PELP1: variants seen among roughly 807,000 people sequenced by gnomAD.
PELP1 encodes the protein proline, glutamate and leucine rich protein 1.
In PELP1, 32 loss-of-function variants were observed where a neutral mutation model predicts 95.5. That is an observed-to-expected ratio of 0.34 (90% CI 0.25 to 0.45). PELP1 has a LOEUF of 0.45. PELP1 is among the 20% of genes least tolerant of loss of function. The pLI is 1.00. For missense variants in PELP1, 1,358 were observed against 1,444.8 expected, an observed-to-expected ratio of 0.94 and a Z score of 0.97; for synonymous variants, 668 against 600.1, an observed-to-expected ratio of 1.11 and a Z score of -1.65.
Position 4,675,360 on chromosome 17 carries a change from G to A in PELP1, c.1071C>T (p.Ser357=). The A allele has an allele frequency of 6.6e-7, 1 of 1,516,688 alleles. No homozygotes were observed. Among genetic ancestry groups the A allele is most frequent in the Non-Finnish European group, 9.0e-7 (1 of 1,115,636 alleles). 94.0% of individuals were successfully genotyped at this position (1,516,688 alleles called of 1,614,324 possible). A position where few individuals can be genotyped will look rare whatever the true frequency, so the allele number is the denominator to read the frequency against. The change falls in exon 10 of 17, where the codon AGC becomes AGT. Residue 357 remains serine (S), a splice_region_variant and synonymous_variant. Transcript: ENST00000572293. This position sits in a 1 kb window ranked among gnomAD's most constrained non-coding sequence, Gnocchi z 4.3. ...GCCGCAGGGGACCATCTCCATGCAA[G>A]CTCTGGAGAAAAAAGGGGCAGAGAT... is the stretch of plus-strand genomic sequence containing the variant. ...RTLSVSSKNI[S]LHGDGPLRLL... is the part of the protein sequence containing the mutation.
At position 4,672,763 on chromosome 17, in the gene PELP1, C is replaced by A; in HGVS notation, c.2228G>T (p.Ser743Ile). 1 of 1,613,638 alleles carries A rather than the reference C, an allele frequency of 6.2e-7. No homozygotes were observed. The highest frequency in any genetic ancestry group is 1.7e-4 in the Middle Eastern group (1 of 6,058). ...GSNEDPILAP[S>I]GTPPPTIPPD... ...GGGTATAGTAGGTGGGGGAGTCCCACTAGGGGCAAGGATGGGGTCCTCATT... is the reference window on the plus strand; with the variant it reads ...GGGTATAGTAGGTGGGGGAGTCCCAATAGGGGCAAGGATGGGGTCCTCATT... Residue 743 changes from serine (S) to isoleucine (I), a missense_variant, in exon 16 of 17, where the codon AGT becomes ATT. This residue lies in a region of PELP1 where 340 missense variants were observed against 322.9 expected (regional missense o/e 1.05). Transcript: ENST00000572293.
chr17:4,678,232 G>C (rs945983710), intron 5 of PELP1, among the ~76,000 whole-genome samples: 4 of 151,916 alleles, frequency 2.6e-5, no homozygotes, highest in African/African-American at 9.7e-5. Flanking sequence ...AAAAGAATTA[G>C]TAAGGATAAC....
chr17:4,682,683 C>T, intron 4 of PELP1, 110 bp from the exon 5 acceptor site: 2 of 1,439,060 alleles, frequency 1.4e-6, no homozygotes, highest in South Asian at 1.2e-5. Context: ...TTTTTCTTGG[C>T]CCCTCCCTCT....
chr17:4,700,312 G>A (rs547496601), intron 1 of PELP1, among the ~76,000 whole-genome samples: 1 of 152,174 alleles, frequency 6.6e-6, no homozygotes, highest in East Asian at 1.9e-4. Flanking sequence ...GGCTGAGGCA[G>A]GAAGATTTTT....
chr17:4,699,850 G>A (rs1210421179), intron 1 of PELP1, among the ~76,000 whole-genome samples: 1 of 150,250 alleles, frequency 6.7e-6, no homozygotes, highest in South Asian at 2.1e-4. Flanking sequence ...GCCTCCCAAA[G>A]TGCTGGGATT....
intron 5 of PELP1, among the ~76,000 whole-genome samples, chr17:4,677,280 A>C (rs893325343): frequency 6.6e-6 from 1 of 152,200 alleles, no homozygotes; most frequent in African/African-American, 2.4e-5. Flanking sequence ...GTCTCGGAGT[A>C]GCAATCTGTC....
intron 5 of PELP1, among the ~76,000 whole-genome samples, chr17:4,679,520 C>A (rs1912617847): frequency 6.6e-6 from 1 of 152,192 alleles, no homozygotes; most frequent in African/African-American, 2.4e-5. Flanking sequence ...ATTTCCCCTC[C>A]ACTTTCATGG....
chr17:4,685,828 A>G (rs6502809), intron 3 of PELP1, among the ~76,000 whole-genome samples: 146,753 of 150,102 alleles, frequency 0.98, 71,822 homozygotes, highest in Middle Eastern at 1. Context: ...TGGGCTTGGT[A>G]GCTCACACCT....
chr17:4,703,764 T>G (rs1182778201), intron 1 of PELP1, 99 bp downstream of exon 1: 3 of 1,049,720 alleles, frequency 2.9e-6, no homozygotes, highest in Non-Finnish European at 4.1e-6. Flanking sequence ...TCTCCTTCCT[T>G]CAACCTCCCT....
At chr17:4,685,277 CTCGTCCCTCAA>C in intron 3 of PELP1, among the ~76,000 whole-genome samples, 1 of 152,250 alleles carries the variant, frequency 6.6e-6, no homozygotes, top group Non-Finnish European at 1.5e-5. Context: ...TAACTCCTCC[CTCGTCCCTCAA>C]GTAGTCTTCG....
At chr17:4,678,602 C>T (rs1347158390) in intron 5 of PELP1, among the ~76,000 whole-genome samples, 1 of 152,202 alleles carries the variant, frequency 6.6e-6, no homozygotes, top group Non-Finnish European at 1.5e-5. Context: ...CAAACCAAAG[C>T]AATGACTCGC....
chr17:4,671,560 A>G, intron 16 of PELP1, 29 bp from the exon 17 acceptor site: 1 of 1,612,904 alleles, frequency 6.2e-7, no homozygotes, highest in Non-Finnish European at 8.5e-7. Flanking sequence ...CAAGATTCAG[A>G]ATAGTCACAC....
intron 3 of PELP1, 155 bp from the exon 4 acceptor site, chr17:4,683,107 G>C: frequency 7.7e-7 from 1 of 1,295,680 alleles, no homozygotes; most frequent in African/African-American, 1.5e-5. Flanking sequence ...GTGGAGACAC[G>C]GATACTGTGT....
intron 3 of PELP1, among the ~76,000 whole-genome samples, chr17:4,689,691 T>C (rs957749574): frequency 2.6e-5 from 4 of 152,204 alleles, no homozygotes; most frequent in Admixed American, 6.5e-5. Context: ...TGCAAAAATG[T>C]GGAACCAGCC....
chr17:4,678,724 C>G (rs8065591), intron 5 of PELP1, among the ~76,000 whole-genome samples: 145,791 of 152,274 alleles, frequency 0.96, 70,117 homozygotes, highest in East Asian at 1. Flanking sequence ...GTGGCAAGGA[C>G]GAGGAAGTGA....
Position 4,672,313 on chromosome 17 carries a change from T to A in PELP1, c.2678A>T (p.Glu893Val). 6.4e-7 allele frequency: 1 copy of A among 1,553,522 alleles called. No individual in the cohort carries two copies. Among genetic ancestry groups the A allele is most frequent in the Non-Finnish European group, 8.7e-7 (1 of 1,147,986 alleles). ...INSSDEEEEE[E>V]EEEEEEEEEE... ...CTCTTCTTCTTCTTCCTCTTCTTCC[T>A]CTTCCTCCTCCTCTTCATCACTGCT... The change falls in exon 16 of 17, where the codon GAG becomes GTG. Residue 893 changes from glutamate to valine, a missense_variant. Physicochemically the swap from Glu to Val is moderately radical, Grantham distance 121. This residue lies in a region of PELP1 where 283 missense variants were observed against 284.1 expected (regional missense o/e 1.00). Coordinates refer to ENST00000572293, the MANE Select transcript of PELP1 (RefSeq NM_014389.3).
Position 4,673,048 on chromosome 17 carries a change from G to A in PELP1, c.1943C>T (p.Pro648Leu). 1 of 1,531,438 alleles carries A rather than the reference G, an allele frequency of 6.5e-7. No homozygotes were observed. The highest frequency in any genetic ancestry group is 8.8e-7 in the Non-Finnish European group (1 of 1,142,268). 94.9% of individuals were successfully genotyped at this position (1,531,438 alleles called of 1,614,324 possible). ...LQPMGPTCPT[P>L]APVPPPEAPS... ...GGCCTCAGGAGGGGGAACTGGAGCA[G>A]GTGTGGGGCAGGTGGGGCCCATGGG... The change falls in exon 16 of 17, where the codon CCT becomes CTT. Residue 648 changes from proline to leucine, a missense_variant. Coordinates refer to ENST00000572293, the MANE Select transcript of PELP1 (RefSeq NM_014389.3). This position sits in a 1 kb window ranked among gnomAD's most constrained non-coding sequence, Gnocchi z 5.7.
At position 4,671,351 on chromosome 17, in the gene PELP1, G is replaced by T; in HGVS notation, c.*88C>A. The T allele has an allele frequency of 1.3e-6, 1 of 771,344 alleles. No individual in the cohort carries two copies. Among genetic ancestry groups the T allele is most frequent in the East Asian group, 2.5e-5 (1 of 39,522 alleles). 47.8% of individuals were successfully genotyped at this position (771,344 alleles called of 1,614,324 possible). On this transcript the variant is annotated 3_prime_UTR_variant, in exon 17 of 17. Transcript: ENST00000572293. ...AGCAGACACTTGAGCTTCTGGCTGG[G>T]GACCCAGGTGTGGCAAAAGGCAGAA...
At chr17:4,671,598 T>C (rs769680575) in intron 16 of PELP1, 67 bp from the exon 17 acceptor site, 35 of 1,606,744 alleles carry the variant, frequency 2.2e-5, no homozygotes, top group Non-Finnish European at 2.8e-5. Context: ...TGGTTCAGGC[T>C]GGGCAAACCT....
Sources: allele counts gnomAD v4.1 joint callset (sites outside exome capture counted in the v4.1 genomes callset), GRCh38; gene constraint gnomAD v4.1.1; regional missense constraint gnomAD v4.1.1; non-coding constraint Gnocchi (gnomAD v3.1); transcripts MANE v1.5; gene names NCBI Gene and HGNC (gene_info 2026-07-23, HGNC 2026-07-21).